Variants in TNRC6A observed in about 807,000 individuals in gnomAD.
TNRC6A encodes trinucleotide repeat-containing gene 6A protein.
Under a neutral mutation model 221.2 loss-of-function variants are expected in TNRC6A, and 44 were observed. The ratio of observed to expected loss-of-function variants is 0.20; its 90% CI spans 0.16 to 0.26. TNRC6A has a LOEUF of 0.26. TNRC6A is among the 10% of genes least tolerant of loss of function. The probability of loss-of-function intolerance (pLI) is 1.00; values close to 1 mark genes in which losing one functional copy is unlikely to be tolerated. For missense variants in TNRC6A, 2,199 were observed against 2,404.4 expected (o/e 0.91, Z 1.79); for synonymous variants, 847 against 838.5 (o/e 1.01, Z -0.18).
intron 2 of TNRC6A, among the ~76,000 whole-genome samples, chr16:24,718,843 C>A (rs2056360550): frequency 6.6e-6 from 1 of 151,834 alleles, no homozygotes. Flanking sequence ...TTGAGACCAG[C>A]CTGTCCAATA....
At chr16:24,672,519 G>T (rs2055327512) in intron 2 of TNRC6A, among the ~76,000 whole-genome samples, 1 of 152,050 alleles carries the variant, frequency 6.6e-6, no homozygotes, top group African/African-American at 2.4e-5. Flanking sequence ...ACGGCTCACT[G>T]CAACCTCAAC....
In TNRC6A at chr16:24,756,685, G is replaced by A. The variant is rs546838299; in HGVS notation, c.142-1654G>A. 2.6e-5 allele frequency among the ~76,000 whole-genome samples: 4 copies of A among 152,250 alleles called. 1 individual carries two copies. The South Asian group carries it at 8.3e-4, about 32-fold the overall frequency. On this transcript the variant is annotated intron_variant, in intron 3 of 24. Transcript: ENST00000395799. The stretch of plus-strand genomic sequence containing the variant: ...TGTTTTGCTTTTTTGTAGAGATGGG[G>A]TTTCGCCATATTGGCCAGGCTGGTC...
intron 2 of TNRC6A, among the ~76,000 whole-genome samples, chr16:24,703,055 TAAAATAAAATAA>T (rs1345587417): frequency 3.3e-5 from 5 of 150,822 alleles, no homozygotes; most frequent in African/African-American, 7.3e-5. Flanking sequence ...TAAAATAAAA[TAAAATAAAATAA>T]AATAAAATAA....
intron 2 of TNRC6A, among the ~76,000 whole-genome samples, chr16:24,687,843 G>GGAGGAAGAAGAAGAAGAA (rs2055660614): frequency 9.8e-6 from 1 of 101,856 alleles, no homozygotes; most frequent in Admixed American, 1.1e-4. Flanking sequence ...AAGAGGAAGA[G>GGAGGAAGAAGAAGAAGAA]GAAGAAGAAG....
intron 11 of TNRC6A, among the ~76,000 whole-genome samples, chr16:24,800,783 C>T (rs1421850722): frequency 6.6e-6 from 1 of 152,132 alleles, no homozygotes. Flanking sequence ...GGGAGAAGCT[C>T]CCACAGAGTG....
intron 1 of TNRC6A, among the ~76,000 whole-genome samples, chr16:24,633,328 C>T (rs1901448603): frequency 6.6e-6 from 1 of 152,176 alleles, no homozygotes; most frequent in Admixed American, 6.5e-5. Context: ...ATCACCTTAA[C>T]CAGGCTTATT....
intron 2 of TNRC6A, among the ~76,000 whole-genome samples, chr16:24,736,865 C>T (rs926697516): frequency 1.3e-5 from 2 of 152,262 alleles, no homozygotes; most frequent in Admixed American, 1.3e-4. Context: ...GTATTTAAAT[C>T]GATCAGCCAT....
At position 24,669,941 on chromosome 16, in the gene TNRC6A, C is replaced by CTTTTTTTTT. The variant is rs535737725; in HGVS notation, n.402+28951_402+28959dup. On this transcript the variant is annotated intron_variant and non_coding_transcript_variant, in intron 2 of 2. Coordinates refer to the TNRC6A transcript ENST00000566108. ...TCGTTATGACCCTATGAGGCAGCTA[C>CTTTTTTTTT]TTTTTTTTTTTTTTTTTTTTTTTTT... 3.1e-3 allele frequency among the ~76,000 whole-genome samples: 83 copies of CTTTTTTTTT among 27,188 alleles called. 26 individuals carry two copies. Among genetic ancestry groups the CTTTTTTTTT allele is most frequent in the African/African-American group, 7.6e-3 (56 of 7,410 alleles). The allele number at this position is 27,188 out of a possible 152,430, so 17.8% of individuals were successfully genotyped here.
At chr16:24,698,377 C>A (rs554593606) in intron 2 of TNRC6A, among the ~76,000 whole-genome samples, 14 of 152,104 alleles carry the variant, frequency 9.2e-5, no homozygotes, top group African/African-American at 3.4e-4. Flanking sequence ...ATTTGAGGCA[C>A]CAGCAGTAGT....
intron 2 of TNRC6A, among the ~76,000 whole-genome samples, chr16:24,656,503 G>A (rs116633550): frequency 0.051 from 7,562 of 148,150 alleles, 404 homozygotes; most frequent in East Asian, 0.14. Flanking sequence ...AGAAAAAGAA[G>A]TACATATGCT....
chr16:24,722,422 TTTATTTAC>T (rs57854321), intron 2 of TNRC6A, among the ~76,000 whole-genome samples: 63,290 of 136,602 alleles, frequency 0.46, 13,945 homozygotes, highest in Non-Finnish European at 0.48. Context: ...TATTTATTTA[TTTATTTAC>T]TTATTTATTT....
chr16:24,613,071 G>A (rs373469472), intron 1 of TNRC6A, among the ~76,000 whole-genome samples: 19 of 131,360 alleles, frequency 1.4e-4, no homozygotes, highest in African/African-American at 3.6e-4. Context: ...AGCCGAGATC[G>A]CACCATTGCG....
At chr16:24,684,536 C>A (rs1239106918) in intron 2 of TNRC6A, among the ~76,000 whole-genome samples, 2 of 152,132 alleles carry the variant, frequency 1.3e-5, no homozygotes, top group Non-Finnish European at 2.9e-5. Context: ...CTGGGCACAG[C>A]AGCTCACACC....
chr16:24,661,987 G>C (rs982881831), intron 2 of TNRC6A: 1 of 152,138 alleles, frequency 6.6e-6, no homozygotes, highest in Non-Finnish European at 1.5e-5. Flanking sequence ...CTAGAGCCCA[G>C]GAATTCAGTG....
rs2058437736 is a variant in TNRC6A, at chr16:24,806,628, C to A, written c.4384C>A (p.Pro1462Thr). 3.1e-6 allele frequency: 5 copies of A among 1,614,084 alleles called. No individual in the cohort carries two copies. Among genetic ancestry groups the A allele is most frequent in the Non-Finnish European group, 4.2e-6 (5 of 1,180,046 alleles). ...GATGCAACAATCTCGTCAACTTGAT[C>A]CAAACCTGTTGGTGAAGCAGCAGAC... Reference protein sequence around the residue: ...QMMQQSRQLDPNLLVKQQTPP... With the variant: ...QMMQQSRQLDTNLLVKQQTPP... The change falls in exon 17 of 25, where the codon CCA becomes ACA. Residue 1462 changes from proline to threonine, a missense_variant. Transcript: ENST00000395799.
At chr16:24,746,909 A>G (rs560433019) in intron 2 of TNRC6A, among the ~76,000 whole-genome samples, 5 of 152,246 alleles carry the variant, frequency 3.3e-5, no homozygotes, top group African/African-American at 4.8e-5. Flanking sequence ...GACTCTCACT[A>G]TGTTGCCCAT....
At position 24,823,585 on chromosome 16, in the gene TNRC6A, C is replaced by T. The variant is rs1236004679; in HGVS notation, c.5667C>T (p.His1889=). The T allele has an allele frequency of 6.2e-7, 1 of 1,614,084 alleles. No individual in the cohort carries two copies. Among genetic ancestry groups the T allele is most frequent in the Non-Finnish European group, 8.5e-7 (1 of 1,180,044 alleles). The change falls in exon 25 of 25, where the codon CAC becomes CAT. Residue 1889 remains histidine (H), a synonymous_variant. Coordinates refer to ENST00000395799, the MANE Select transcript of TNRC6A (RefSeq NM_014494.4). This position sits in a 1 kb window ranked among gnomAD's most constrained non-coding sequence, Gnocchi z 4.3. ...QSRLGSLDCS[H]SFSSRTDLNH... Reference sequence around the variant, plus strand: ...GGCTGGGCTCCCTCGACTGTTCCCACTCATTCTCCAGCCGGACCGATCTCA... The same window carrying T: ...GGCTGGGCTCCCTCGACTGTTCCCATTCATTCTCCAGCCGGACCGATCTCA...
rs947033221 is a variant in TNRC6A, at chr16:24,823,120, G to A, written c.5513+107G>A. Reference sequence around the variant, plus strand: ...GGGTCCTGCGTGGGTGGCTCCTGCTGGCTGCAGTAGTGCCCTGATTCCAAG... The same window carrying A: ...GGGTCCTGCGTGGGTGGCTCCTGCTAGCTGCAGTAGTGCCCTGATTCCAAG... On this transcript the variant is annotated intron_variant, in intron 24 of 24. Transcript: ENST00000395799. This position sits in a 1 kb window ranked among gnomAD's most constrained non-coding sequence, Gnocchi z 4.3. 8.3e-6 allele frequency: 12 copies of A among 1,445,404 alleles called. No individual in the cohort carries two copies. Among genetic ancestry groups the A allele is most frequent in the Non-Finnish European group, 1.1e-5 (12 of 1,046,734 alleles). 89.5% of individuals were successfully genotyped at this position (1,445,404 alleles called of 1,614,324 possible). A position where few individuals can be genotyped will look rare whatever the true frequency, so the allele number is the denominator to read the frequency against.
intron 2 of TNRC6A, among the ~76,000 whole-genome samples, chr16:24,689,989 TAAAAAAAAAAAAAAAAAAAA>T (rs60944175): frequency 0.46 from 45,183 of 98,456 alleles, 10,093 homozygotes; most frequent in African/African-American, 0.62. Flanking sequence ...AGGCTTAAAG[TAAAAAAAAAAAAAAAAAAAA>T]AAAAAAAAAA....
Sources: gnomAD v4.1 joint callset for allele counts (sites outside exome capture counted in the v4.1 genomes callset) on GRCh38, gnomAD v4.1.1 for gene constraint, Gnocchi (gnomAD v3.1) non-coding constraint, MANE v1.5 for transcripts, NCBI Gene and HGNC (gene_info 2026-07-23, HGNC 2026-07-21) for gene names.